Variants in SPOCK3 observed in about 807,000 individuals in gnomAD.
SPOCK3 encodes testican-3.
SPOCK3 carries 30 observed loss-of-function variants against 56.6 expected under a neutral mutation model. The observed-to-expected ratio is 0.53, with a 90% CI of 0.40 to 0.72. The LOEUF is 0.72. Ranked by LOEUF, SPOCK3 falls within the 30% of genes least tolerant of loss-of-function variation. The pLI, the probability that SPOCK3 is intolerant of heterozygous loss-of-function variation, is 0.00. For synonymous variants in SPOCK3, 196 were observed against 183.3 expected (o/e 1.07, Z -0.56); for missense variants, 527 against 530.0 (o/e 0.99, Z 0.06).
At chr4:167,060,578 C>G (rs1035643000) in intron 3 of SPOCK3, among the ~76,000 whole-genome samples, 1 of 152,018 alleles carries the variant, frequency 6.6e-6, no homozygotes, top group Non-Finnish European at 1.5e-5. Flanking sequence ...ACATGTTTAT[C>G]AACTATATAT....
Position 166,912,472 on chromosome 4 carries a change from AT to A in SPOCK3, c.474+147del, listed in dbSNP as rs1385169959. 102 of 862,510 alleles carry A rather than the reference AT, an allele frequency of 1.2e-4. No individual in the cohort carries two copies. In the Middle Eastern group the frequency reaches 1.5e-3, roughly 12 times the overall value. 53.4% of individuals were successfully genotyped at this position (862,510 alleles called of 1,614,324 possible). A position where few individuals can be genotyped will look rare whatever the true frequency, so the allele number is the denominator to read the frequency against. The stretch of plus-strand genomic sequence containing the variant: ...TATAGAAAAAACAAATGCACATTGA[AT>A]CATATTCCAAACCAGTGAGATTATT... On this transcript the variant is annotated intron_variant, in intron 5 of 10. Coordinates refer to ENST00000357545, the MANE Select transcript of SPOCK3 (RefSeq NM_001040159.2).
Position 166,748,497 on chromosome 4 carries a change from A to G in SPOCK3, c.931+6011T>C, listed in dbSNP as rs1394064348. On this transcript the variant is annotated intron_variant, in intron 8 of 10. Transcript: ENST00000357545. The stretch of plus-strand genomic sequence containing the variant: ...TACAAAAGTTAACTCAAGATGGATT[A>G]AAGACTTAAATGTTAGACCTAAAGC... Among the ~76,000 whole-genome samples, 9 of 137,260 alleles carry G rather than the reference A, an allele frequency of 6.6e-5. 1 individual carries two copies. The highest frequency in any genetic ancestry group is 1.1e-4 in the Non-Finnish European group (7 of 64,764). The allele number at this position is 137,260 out of a possible 152,430, so 90.0% of individuals were successfully genotyped here.
intron 2 of SPOCK3, among the ~76,000 whole-genome samples, chr4:167,116,913 G>GTATATATATATATATATATATATATA (rs70957813): frequency 8.2e-6 from 1 of 121,510 alleles, no homozygotes; most frequent in Non-Finnish European, 1.7e-5. Flanking sequence ...GTGTGTGTGT[G>GTATATATATATATATATATATATATA]TATATATATA....
rs895211308 is a variant in SPOCK3 at position 167,114,230 on chromosome 4, A to G, written c.190-51693T>C. On this transcript the variant is annotated intron_variant, in intron 2 of 10. Coordinates refer to ENST00000357545, the MANE Select transcript of SPOCK3 (RefSeq NM_001040159.2). The stretch of plus-strand genomic sequence containing the variant: ...GCATCGGAGAGCTAGCAAGTGAGTC[A>G]GTACTTGAAGAGCCAAAATCCTGGA... 2.6e-5 allele frequency among the ~76,000 whole-genome samples: 4 copies of G among 152,176 alleles called. 1 individual carries two copies. The highest frequency in any genetic ancestry group is 2.6e-4 in the Admixed American group (4 of 15,244).
intron 4 of SPOCK3, among the ~76,000 whole-genome samples, chr4:166,995,113 A>G (rs1452936863): frequency 6.6e-6 from 1 of 152,076 alleles, no homozygotes; most frequent in Non-Finnish European, 1.5e-5. Context: ...GTCCAAGTCT[A>G]CCAATTGAAT....
intron 2 of SPOCK3, among the ~76,000 whole-genome samples, chr4:167,081,658 A>T (rs778019430): frequency 1.3e-5 from 2 of 152,052 alleles, no homozygotes; most frequent in Non-Finnish European, 2.9e-5. Flanking sequence ...TCTGTGAATG[A>T]CTAACGATTC....
chr4:166,907,834 A>G lies in SPOCK3; in HGVS notation c.474+4786T>C, dbSNP rs1303894275. Among the ~76,000 whole-genome samples the G allele has an allele frequency of 4.6e-5, 7 of 152,022 alleles. No individual in the cohort carries two copies. The South Asian group carries it at 1.0e-3, about 22-fold the overall frequency. On this transcript the variant is annotated intron_variant, in intron 5 of 10. Coordinates refer to ENST00000357545, the MANE Select transcript of SPOCK3 (RefSeq NM_001040159.2). ...AGTGCTGTAATAAGAAAGTATCCCC[A>G]TAAATGATCATGATAATGTTCTGGT...
chr4:167,104,884 T>C (rs1361973263), intron 2 of SPOCK3, among the ~76,000 whole-genome samples: 1 of 149,322 alleles, frequency 6.7e-6, no homozygotes, highest in African/African-American at 2.5e-5. Flanking sequence ...CCAAAACATC[T>C]GGCAGCAGAC....
At chr4:166,820,930 G>A (rs765289157) in intron 6 of SPOCK3, among the ~76,000 whole-genome samples, 5 of 151,868 alleles carry the variant, frequency 3.3e-5, no homozygotes, top group Non-Finnish European at 7.4e-5. Flanking sequence ...AAACACTATC[G>A]ATAAATGAAA....
At chr4:166,953,128 A>G (rs1742899087) in intron 4 of SPOCK3, among the ~76,000 whole-genome samples, 1 of 151,732 alleles carries the variant, frequency 6.6e-6, no homozygotes. Flanking sequence ...AAAAGAAACT[A>G]CCATCAGAGT....
At chr4:167,214,003 T>G (rs2111050327) in intron 2 of SPOCK3, among the ~76,000 whole-genome samples, 1 of 152,256 alleles carries the variant, frequency 6.6e-6, no homozygotes, top group South Asian at 2.1e-4. Context: ...TATAAAATGC[T>G]ATGGTAATAT....
intron 7 of SPOCK3, among the ~76,000 whole-genome samples, chr4:166,772,163 G>T (rs1739015924): frequency 6.6e-6 from 1 of 152,034 alleles, no homozygotes; most frequent in Admixed American, 6.6e-5. Context: ...AAACAGTAAT[G>T]ATTTATTATT....
intron 5 of SPOCK3, among the ~76,000 whole-genome samples, chr4:166,901,026 G>C (rs117225509): frequency 6.6e-6 from 1 of 152,122 alleles, no homozygotes; most frequent in African/African-American, 2.4e-5. Flanking sequence ...AGTTAACTGC[G>C]TGCTGTGTCT....
intron 6 of SPOCK3, among the ~76,000 whole-genome samples, chr4:166,830,972 CT>C (rs929115561): frequency 4.6e-5 from 7 of 150,910 alleles, no homozygotes; most frequent in East Asian, 1.9e-4. Flanking sequence ...CCCTCCAGCA[CT>C]TTTTTTTTCA....
At chr4:167,222,547 AAT>A (rs200695020) in intron 2 of SPOCK3, among the ~76,000 whole-genome samples, 1 of 136,530 alleles carries the variant, frequency 7.3e-6, no homozygotes, top group South Asian at 2.2e-4. Context: ...TTCATATATG[AAT>A]ATATAATATA....
At chr4:166,935,516 A>AT (rs1046104216) in intron 4 of SPOCK3, among the ~76,000 whole-genome samples, 4 of 152,218 alleles carry the variant, frequency 2.6e-5, no homozygotes, top group Non-Finnish European at 5.9e-5. Context: ...TCATGAAACA[A>AT]TAACAGGCTA....
At chr4:167,031,816 A>G (rs2150182478) in intron 3 of SPOCK3, among the ~76,000 whole-genome samples, 1 of 152,152 alleles carries the variant, frequency 6.6e-6, no homozygotes, top group African/African-American at 2.4e-5. Context: ...AATGATAGAC[A>G]TGACACAACT....
At position 167,074,192 on chromosome 4, in the gene SPOCK3, C is replaced by A. The variant is rs190631561; in HGVS notation, c.190-11655G>T. On this transcript the variant is annotated intron_variant, in intron 2 of 10. Transcript: ENST00000357545. Reference sequence around the variant, plus strand: ...GTTTGCAGTGGCAGTACGTGACTCACCCCCTTTTTCAGTAAAGATTTATCA... The same window carrying A: ...GTTTGCAGTGGCAGTACGTGACTCAACCCCTTTTTCAGTAAAGATTTATCA... 4.7e-3 allele frequency among the ~76,000 whole-genome samples: 712 copies of A among 152,020 alleles called. 6 individuals carry two copies. Among genetic ancestry groups the A allele is most frequent in the Non-Finnish European group, 4.9e-3 (334 of 67,924 alleles).
intron 3 of SPOCK3, among the ~76,000 whole-genome samples, chr4:167,058,104 C>A (rs953142023): frequency 6.6e-6 from 1 of 152,162 alleles, no homozygotes; most frequent in African/African-American, 2.4e-5. Context: ...CAGGGATGCC[C>A]TCTCTCACCA....
Sources: gnomAD v4.1 joint callset for allele counts (sites outside exome capture counted in the v4.1 genomes callset) on GRCh38, gnomAD v4.1.1 for gene constraint, MANE v1.5 for transcripts, NCBI Gene and HGNC (gene_info 2026-07-23, HGNC 2026-07-21) for gene names.